The following SNTG2 variants were observed in gnomAD, a reference collection of about 807,000 sequenced individuals.
The protein encoded by SNTG2 is gamma-2-syntrophin.
Under a neutral mutation model 70.9 loss-of-function variants are expected in SNTG2, and 74 were observed. The ratio of observed to expected loss-of-function variants is 1.04; its 90% CI spans 0.86 to 1.27. The LOEUF is 1.27. SNTG2 is among the 50% of genes most tolerant of loss of function. The pLI is 0.00. For missense variants in SNTG2, 717 were observed against 690.7 expected (o/e 1.04, Z -0.43); for synonymous variants, 278 against 273.8 (o/e 1.02, Z -0.15).
chr2:953,563 A>T (rs1402888461), intron 1 of SNTG2, among the ~76,000 whole-genome samples: 3 of 152,196 alleles, frequency 2.0e-5, no homozygotes, highest in Non-Finnish European at 4.4e-5. Context: ...AAGGTTCCCC[A>T]TTCCTTCTAT....
At chr2:1,331,010 T>C (rs571366638) in intron 16 of SNTG2, among the ~76,000 whole-genome samples, 1 of 152,326 alleles carries the variant, frequency 6.6e-6, no homozygotes, top group African/African-American at 2.4e-5. Context: ...TGCTCCTGTG[T>C]GTTTCAGAAG....
At chr2:1,284,296 A>G (rs187873647) in intron 14 of SNTG2, among the ~76,000 whole-genome samples, 1 of 152,310 alleles carries the variant, frequency 6.6e-6, no homozygotes. Flanking sequence ...AATTGTTTAC[A>G]TTGTAACGTT....
At chr2:971,015 A>T (rs1301950199) in intron 1 of SNTG2, among the ~76,000 whole-genome samples, 1 of 152,206 alleles carries the variant, frequency 6.6e-6, no homozygotes, top group Non-Finnish European at 1.5e-5. Flanking sequence ...GCTGGAGAGG[A>T]TGTGGAGAAA....
intron 9 of SNTG2, among the ~76,000 whole-genome samples, chr2:1,223,348 G>C (rs76217864): frequency 6.7e-6 from 1 of 148,898 alleles, no homozygotes; most frequent in Non-Finnish European, 1.5e-5. Flanking sequence ...GATGGAGGGC[G>C]TCTCCCTGTC....
intron 1 of SNTG2, among the ~76,000 whole-genome samples, chr2:965,742 C>T (rs1660540139): frequency 1.3e-5 from 2 of 152,020 alleles, no homozygotes; most frequent in South Asian, 2.1e-4. Flanking sequence ...TCTTTTACTC[C>T]ATCTGTGTTG....
intron 1 of SNTG2, among the ~76,000 whole-genome samples, chr2:1,045,760 G>A (rs1661698507): frequency 6.6e-6 from 1 of 152,088 alleles, no homozygotes; most frequent in African/African-American, 2.4e-5. Flanking sequence ...GTATGGTTCA[G>A]GTTTTTTGAA....
chr2:1,284,334 A>G (rs6754505), intron 14 of SNTG2, among the ~76,000 whole-genome samples: 77,309 of 152,010 alleles, frequency 0.51, 19,808 homozygotes, highest in Middle Eastern at 0.65. Flanking sequence ...TTAGCTGTTC[A>G]GATTCTGGCG....
chr2:1,030,201 C>CT (rs1660737302), intron 1 of SNTG2, among the ~76,000 whole-genome samples: 1 of 152,188 alleles, frequency 6.6e-6, no homozygotes, highest in Non-Finnish European at 1.5e-5. Flanking sequence ...GTGTCACTGG[C>CT]TGTATTTGAT....
intron 14 of SNTG2, among the ~76,000 whole-genome samples, chr2:1,272,460 T>A (rs1679073490): frequency 1.6e-5 from 1 of 63,666 alleles, no homozygotes; most frequent in Non-Finnish European, 2.8e-5. Flanking sequence ...AGACTGGTAC[T>A]GGTAAAAAAA....
chr2:1,197,513 ATATGTG>A (rs1374729352), intron 8 of SNTG2, among the ~76,000 whole-genome samples: 12 of 85,276 alleles, frequency 1.4e-4, no homozygotes, highest in African/African-American at 3.4e-4. Context: ...GTATGTATAT[ATATGTG>A]TGTGTGTGTG....
At chr2:1,067,701 T>G (rs1663248679) in intron 1 of SNTG2, among the ~76,000 whole-genome samples, 1 of 152,274 alleles carries the variant, frequency 6.6e-6, no homozygotes, top group Non-Finnish European at 1.5e-5. Flanking sequence ...GAGGTAAAAC[T>G]TGAGCACTGG....
chr2:984,867 A>G (rs974246451), intron 1 of SNTG2, among the ~76,000 whole-genome samples: 1 of 152,148 alleles, frequency 6.6e-6, no homozygotes, highest in Non-Finnish European at 1.5e-5. Flanking sequence ...TGCTTATTTT[A>G]TTGGGGCACA....
At chr2:966,379 A>C (rs934262059) in intron 1 of SNTG2, among the ~76,000 whole-genome samples, 3 of 151,778 alleles carry the variant, frequency 2.0e-5, no homozygotes, top group Admixed American at 2.0e-4. Flanking sequence ...TCTTTTTTTA[A>C]CCTTGAGAGA....
intron 16 of SNTG2, among the ~76,000 whole-genome samples, chr2:1,349,211 G>T (rs905390075): frequency 6.6e-6 from 1 of 152,104 alleles, no homozygotes; most frequent in Admixed American, 6.5e-5. Flanking sequence ...TGGTTGGGGG[G>T]GTCACTGGTC....
At chr2:1,347,652 G>A (rs1303182391) in intron 16 of SNTG2, among the ~76,000 whole-genome samples, 1 of 152,192 alleles carries the variant, frequency 6.6e-6, no homozygotes, top group Non-Finnish European at 1.5e-5. Context: ...AAGGCCATGT[G>A]AGTTCAGCAT....
intron 4 of SNTG2, among the ~76,000 whole-genome samples, chr2:1,111,990 A>G (rs1666489828): frequency 6.6e-6 from 1 of 151,048 alleles, no homozygotes; most frequent in Non-Finnish European, 1.5e-5. Flanking sequence ...CGTGGGTACT[A>G]AGTGAGGTTT....
intron 11 of SNTG2, among the ~76,000 whole-genome samples, chr2:1,245,431 C>G (rs1483396281): frequency 6.6e-6 from 1 of 152,216 alleles, no homozygotes; most frequent in African/African-American, 2.4e-5. Context: ...GCATAATATT[C>G]TTTTCATGAC....
At position 1,050,797 on chromosome 2, in the gene SNTG2, C is replaced by A. The variant is rs181911307; in HGVS notation, c.73-32721C>A. On this transcript the variant is annotated intron_variant, in intron 1 of 16. Transcript: ENST00000308624. ...CAACTTGAAAATAATTCATCAAATCCATAAACAAGATCTAGTCTGTAATTC... is the reference window on the plus strand; with the variant it reads ...CAACTTGAAAATAATTCATCAAATCAATAAACAAGATCTAGTCTGTAATTC... 2.0e-5 allele frequency among the ~76,000 whole-genome samples: 3 copies of A among 152,234 alleles called. No individual in the cohort carries two copies. In the East Asian group the frequency reaches 5.8e-4, roughly 29 times the overall value.
At chr2:1,355,553 T>C (rs978675191) in intron 16 of SNTG2, among the ~76,000 whole-genome samples, 1 of 152,232 alleles carries the variant, frequency 6.6e-6, no homozygotes, top group African/African-American at 2.4e-5. Flanking sequence ...ATAACGTACC[T>C]GCATACACCA....
Sources: allele counts gnomAD v4.1 joint callset (sites outside exome capture counted in the v4.1 genomes callset), GRCh38; gene constraint gnomAD v4.1.1; transcripts MANE v1.5; gene names NCBI Gene and HGNC (gene_info 2026-07-23, HGNC 2026-07-21).